The following MTHFD1 variants were observed in gnomAD, a reference collection of about 807,000 sequenced individuals.
The protein encoded by MTHFD1 is C-1-tetrahydrofolate synthase, cytoplasmic.
A neutral mutation model predicts 110.3 loss-of-function variants in MTHFD1; 44 were observed. The observed-to-expected ratio is 0.40, with a 90% CI of 0.31 to 0.51. MTHFD1 has a LOEUF of 0.51. MTHFD1 is among the 20% of genes least tolerant of loss of function. The pLI, the probability that MTHFD1 is intolerant of heterozygous loss-of-function variation, is 0.60. For synonymous variants in MTHFD1, 402 were observed against 428.8 expected (o/e 0.94, Z 0.77); for missense variants, 909 against 1,173.1 (o/e 0.77, Z 3.29).
At position 64,417,608 on chromosome 14, in the gene MTHFD1, G is replaced by C. The variant is rs563607162; in HGVS notation, c.479-280G>C. ...GTATGTCAGGGTTTCTTTTTTCTTT[G>C]AGTGTAGGTTTTCTTCCCACTCCCC... is the stretch of plus-strand genomic sequence containing the variant. On this transcript the variant is annotated intron_variant, in intron 6 of 27. Coordinates refer to ENST00000652337, the MANE Select transcript of MTHFD1 (RefSeq NM_005956.4). This position sits in a 1 kb window ranked among gnomAD's most constrained non-coding sequence, Gnocchi z 4.4. Among the ~76,000 whole-genome samples, 1 of 151,896 alleles carries C rather than the reference G, an allele frequency of 6.6e-6. No individual in the cohort carries two copies. The highest frequency in any genetic ancestry group is 6.5e-5 in the Admixed American group (1 of 15,270).
intron 23 of MTHFD1, chr14:64,449,021 G>T (rs112936445): frequency 2.6e-5 from 8 of 304,848 alleles, no homozygotes; most frequent in South Asian, 6.2e-5. Flanking sequence ...GGATGGTCTC[G>T]ATCTCCTGAC....
intron 24 of MTHFD1, among the ~76,000 whole-genome samples, chr14:64,451,849 G>C (rs2078377693): frequency 6.6e-6 from 1 of 152,184 alleles, no homozygotes; most frequent in Non-Finnish European, 1.5e-5. Context: ...CCAGTTATGA[G>C]ATGCATATGA....
At chr14:64,426,967 TTTTC>T (rs1428259965) in intron 11 of MTHFD1, among the ~76,000 whole-genome samples, 1 of 152,234 alleles carries the variant, frequency 6.6e-6, no homozygotes, top group Non-Finnish European at 1.5e-5. Flanking sequence ...GAATCATTTT[TTTTC>T]TTAAAGTTTT....
At position 64,442,052 on chromosome 14, in the gene MTHFD1, A is replaced by C; in HGVS notation, c.1885-2A>C. ...CAGCTCACGGTGTCCTGGTTTCCAC[A>C]GGGCACTCCAGTGTTTGTCCATGCT... On this transcript the variant is annotated splice_acceptor_variant, in intron 19 of 27. Coordinates refer to ENST00000652337, the MANE Select transcript of MTHFD1 (RefSeq NM_005956.4). LOFTEE classifies it high-confidence loss of function. The C allele has an allele frequency of 6.2e-7, 1 of 1,610,900 alleles. No individual in the cohort carries two copies. The highest frequency in any genetic ancestry group is 8.5e-7 in the Non-Finnish European group (1 of 1,177,026).
At chr14:64,458,779 G>C (rs1050029846) in intron 27 of MTHFD1, 7 of 204,410 alleles carry the variant, frequency 3.4e-5, no homozygotes, top group Non-Finnish European at 7.0e-5. Context: ...GCAGTTCTTA[G>C]GGCCTTAGGT....
chr14:64,404,569 T>C (rs1010852676), intron 2 of MTHFD1, among the ~76,000 whole-genome samples: 3 of 152,238 alleles, frequency 2.0e-5, no homozygotes, highest in Non-Finnish European at 4.4e-5. Context: ...GAAACTCCCA[T>C]CAGAGTTTCA....
At chr14:64,447,149 CTTTTTTTTTTTT>C (rs35824559) in intron 22 of MTHFD1, among the ~76,000 whole-genome samples, 1 of 56,226 alleles carries the variant, frequency 1.8e-5, no homozygotes, top group African/African-American at 7.9e-5. Context: ...CAGCTCAGTT[CTTTTTTTTTTTT>C]TTTTTTTTTT....
chr14:64,458,158 G>A (rs1317161382), intron 26 of MTHFD1, 56 bp from the exon 27 acceptor site: 4 of 1,358,026 alleles, frequency 2.9e-6, no homozygotes, highest in Non-Finnish European at 4.2e-6. Context: ...TGGGATTATA[G>A]GCGTGAGCCA....
At chr14:64,449,260 A>T (rs2078333734) in intron 23 of MTHFD1, 185 bp from the exon 24 acceptor site, 1 of 672,474 alleles carries the variant, frequency 1.5e-6, no homozygotes, top group South Asian at 1.6e-5. Flanking sequence ...GCACATAAAG[A>T]TTAGGTAACT....
At chr14:64,452,021 G>A (rs2078380893) in intron 24 of MTHFD1, among the ~76,000 whole-genome samples, 1 of 152,128 alleles carries the variant, frequency 6.6e-6, no homozygotes, top group African/African-American at 2.4e-5. Flanking sequence ...ACTTGGCTGG[G>A]CGCTGTGGTC....
intron 26 of MTHFD1, 189 bp from the exon 27 acceptor site, chr14:64,458,025 G>A (rs2078503026): frequency 1.6e-6 from 1 of 625,346 alleles, no homozygotes; most frequent in Non-Finnish European, 2.9e-6. Context: ...CAAGTAGCTG[G>A]AACTACAGGC....
intron 8 of MTHFD1, among the ~76,000 whole-genome samples, chr14:64,423,853 A>G (rs2078096208): frequency 6.6e-6 from 1 of 151,540 alleles, no homozygotes; most frequent in Non-Finnish European, 1.5e-5. Flanking sequence ...CAGCCTCCCA[A>G]GTAGCTGGGA....
Position 64,449,433 on chromosome 14 carries a change from C to G in MTHFD1, c.2280-12C>G. On this transcript the variant is annotated splice_polypyrimidine_tract_variant and intron_variant, in intron 23 of 27. Transcript: ENST00000652337. ...ATTTTCCATGCTTTGATATGAAATG[C>G]TTCCTTTATAGGACGGATACAGAGT... The G allele has an allele frequency of 6.2e-7, 1 of 1,612,630 alleles. No homozygotes were observed. The highest frequency in any genetic ancestry group is 8.5e-7 in the Non-Finnish European group (1 of 1,179,950).
intron 19 of MTHFD1, 37 bp downstream of exon 19, chr14:64,441,490 T>C: frequency 6.2e-7 from 1 of 1,603,000 alleles, no homozygotes; most frequent in African/African-American, 1.3e-5. Flanking sequence ...GAATTGGTTT[T>C]GGACAGTCAG....
At position 64,388,480 on chromosome 14, in the gene MTHFD1, A is replaced by T; in HGVS notation, c.41+12A>T. On this transcript the variant is annotated intron_variant, in intron 1 of 27. Transcript: ENST00000652337. Reference sequence around the variant, plus strand: ...AAGGAGATCTCCGCGTAAGCACCTGACATTGTTGTTGAGTGTGGGGCTGTG... The same window carrying T: ...AAGGAGATCTCCGCGTAAGCACCTGTCATTGTTGTTGAGTGTGGGGCTGTG... 1 of 1,612,682 alleles carries T rather than the reference A, an allele frequency of 6.2e-7. No individual in the cohort carries two copies. The highest frequency in any genetic ancestry group is 8.5e-7 in the Non-Finnish European group (1 of 1,179,376).
intron 3 of MTHFD1, among the ~76,000 whole-genome samples, chr14:64,411,599 T>G (rs2077984564): frequency 6.6e-6 from 1 of 152,184 alleles, no homozygotes. Flanking sequence ...ATCTGCATTT[T>G]TTACATAAGA....
intron 1 of MTHFD1, among the ~76,000 whole-genome samples, chr14:64,399,472 A>C (rs932450140): frequency 6.6e-6 from 1 of 152,086 alleles, no homozygotes; most frequent in African/African-American, 2.4e-5. Context: ...CAGCCTGACC[A>C]ACATGGTGAA....
intron 21 of MTHFD1, among the ~76,000 whole-genome samples, chr14:64,443,750 T>C (rs894092266): frequency 1.3e-5 from 2 of 152,096 alleles, no homozygotes; most frequent in African/African-American, 4.8e-5. Context: ...CACCCCTCAC[T>C]CACCCTCACA....
chr14:64,426,304 A>G (rs1003566917), intron 11 of MTHFD1, 112 bp downstream of exon 11: 3 of 1,223,512 alleles, frequency 2.5e-6, no homozygotes, highest in African/African-American at 3.0e-5. Flanking sequence ...TGATTTTAGC[A>G]TTTTCACCCG....
Sources: allele counts gnomAD v4.1 joint callset (sites outside exome capture counted in the v4.1 genomes callset), GRCh38; gene constraint gnomAD v4.1.1; non-coding constraint Gnocchi (gnomAD v3.1); transcripts MANE v1.5; gene names NCBI Gene and HGNC (gene_info 2026-07-23, HGNC 2026-07-21).